The following MSL2 variants were observed in gnomAD, a reference collection of about 807,000 sequenced individuals.
MSL2 encodes the protein MSL complex subunit 2.
In MSL2, 2 loss-of-function variants were observed where a neutral mutation model predicts 35.8. The ratio of observed to expected loss-of-function variants is 0.06; its 90% confidence interval spans 0.02 to 0.18. The LOEUF is 0.18. Among genes scored for constraint, MSL2 ranks in the 10% least tolerant of loss-of-function variants. The pLI, the probability that MSL2 is intolerant of heterozygous loss-of-function variation, is 1.00. For synonymous variants in MSL2, 296 were observed against 255.7 expected (o/e 1.16, Z -1.50); for missense variants, 523 against 706.7 (o/e 0.74, Z 2.95).
intron 1 of MSL2, among the ~76,000 whole-genome samples, chr3:136,188,301 G>A (rs1354861278): frequency 6.6e-6 from 1 of 152,034 alleles, no homozygotes; most frequent in Non-Finnish European, 1.5e-5. Context: ...AGGCGTGGTG[G>A]GGCATGCCTA....
rs561838307 is a variant in MSL2, at chr3:136,151,108, T to C, written c.*39A>G. On this transcript the variant is annotated 3_prime_UTR_variant, in exon 2 of 2. Transcript: ENST00000309993. The surrounding 1 kb of genome is among the most constrained non-coding windows in gnomAD (Gnocchi z 5.2). ...ACCATAGCTGCCGTAAAACTGTAGC[T>C]ATTTCCCTACCAGGAGTAGGTTTAA... The C allele has an allele frequency of 2.8e-5, 44 of 1,588,538 alleles. No homozygotes were observed. The South Asian group carries it at 4.5e-4, about 16-fold the overall frequency.
intron 1 of MSL2, among the ~76,000 whole-genome samples, chr3:136,180,349 T>C (rs1326920893): frequency 1.3e-5 from 2 of 152,042 alleles, no homozygotes; most frequent in Non-Finnish European, 2.9e-5. Flanking sequence ...AAAGCAATAC[T>C]GGGTAGCACT....
chr3:136,158,245 G>C (rs777054499), intron 1 of MSL2, among the ~76,000 whole-genome samples: 1 of 151,662 alleles, frequency 6.6e-6, no homozygotes, highest in Non-Finnish European at 1.5e-5. Context: ...CCAGGAGGCG[G>C]AGGCTGCGGT....
At chr3:136,194,382 G>C (rs1458981291) in intron 1 of MSL2, 3 of 983,402 alleles carry the variant, frequency 3.1e-6, no homozygotes, top group Non-Finnish European at 3.6e-6. Context: ...AAAGTGGTAA[G>C]TAAAAGTCTC....
At chr3:136,174,715 T>C (rs1353056558) in intron 1 of MSL2, among the ~76,000 whole-genome samples, 2 of 152,134 alleles carry the variant, frequency 1.3e-5, no homozygotes, top group African/African-American at 4.8e-5. Flanking sequence ...CTTAAATGCT[T>C]CAAGTGGACA....
intron 1 of MSL2, among the ~76,000 whole-genome samples, chr3:136,184,750 A>AGGGGGGGGG (rs5852838): frequency 2.7e-5 from 2 of 74,634 alleles, no homozygotes; most frequent in African/African-American, 1.3e-4. Context: ...AAAAAAAAAA[A>AGGGGGGGGG]GGGGGGGGGG....
intron 1 of MSL2, among the ~76,000 whole-genome samples, chr3:136,188,901 G>A (rs1201137859): frequency 6.6e-6 from 1 of 151,596 alleles, no homozygotes. Flanking sequence ...CTTATCATAA[G>A]ATGAAGGGCT....
intron 1 of MSL2, chr3:136,194,268 T>C (rs1940770642): frequency 2.5e-5 from 6 of 243,240 alleles, no homozygotes; most frequent in Non-Finnish European, 3.3e-5. Flanking sequence ...ATCTCTTCTA[T>C]CTTAAAAATT....
At chr3:136,176,923 A>T (rs1226205711) in intron 1 of MSL2, among the ~76,000 whole-genome samples, 1 of 152,206 alleles carries the variant, frequency 6.6e-6, no homozygotes, top group East Asian at 1.9e-4. Context: ...GGACTTACAC[A>T]TTGCTATAAA....
chr3:136,194,433 G>A, intron 1 of MSL2: 2 of 985,306 alleles, frequency 2.0e-6, no homozygotes, highest in Non-Finnish European at 2.4e-6. Context: ...GCCTTCCCCG[G>A]CTCGCTGTTA....
chr3:136,174,674 C>CTA (rs1413329561), intron 1 of MSL2, among the ~76,000 whole-genome samples: 2 of 152,170 alleles, frequency 1.3e-5, no homozygotes, highest in Non-Finnish European at 2.9e-5. Flanking sequence ...CCTAAATTCT[C>CTA]TACACACTAA....
chr3:136,165,886 A>T (rs952625159), intron 1 of MSL2, among the ~76,000 whole-genome samples: 23 of 152,144 alleles, frequency 1.5e-4, no homozygotes, highest in Admixed American at 2.6e-4. Flanking sequence ...TGGGATAACT[A>T]AAAGAGTATA....
intron 1 of MSL2, 77 bp downstream of exon 1, chr3:136,194,895 C>T (rs200577995): frequency 1.3e-6 from 2 of 1,594,728 alleles, no homozygotes; most frequent in Non-Finnish European, 8.5e-7. Context: ...ACCAGGCCGT[C>T]AACCCGCTCA....
Position 136,176,515 on chromosome 3 carries a change from C to CAAA in MSL2, c.142+18454_142+18456dup, listed in dbSNP as rs771021498. Among the ~76,000 whole-genome samples, 76 of 54,094 alleles carry CAAA rather than the reference C, an allele frequency of 1.4e-3. 1 individual carries two copies. Among genetic ancestry groups the CAAA allele is most frequent in the African/African-American group, 2.4e-3 (37 of 15,716 alleles). The allele number at this position is 54,094 out of a possible 152,430, so 35.5% of individuals were successfully genotyped here. A position where few individuals can be genotyped will look rare whatever the true frequency, so the allele number is the denominator to read the frequency against. Reference sequence around the variant, plus strand: ...GGGCAACCAGAATGAGACCCTCTCTCAAAAAAAAAAAAAAAAAAAAAAACT... The same window carrying CAAA: ...GGGCAACCAGAATGAGACCCTCTCTCAAAAAAAAAAAAAAAAAAAAAAAAAACT... On this transcript the variant is annotated intron_variant, in intron 1 of 1. Transcript: ENST00000309993.
At position 136,193,745 on chromosome 3, in the gene MSL2, G is replaced by T. The variant is rs569490623; in HGVS notation, c.142+1227C>A. Among the ~76,000 whole-genome samples the T allele has an allele frequency of 2.6e-5, 4 of 152,296 alleles. No individual in the cohort carries two copies. The East Asian group carries it at 7.7e-4, about 29-fold the overall frequency. ...CATCAAGAAACTGAGGCCCAGGGCA[G>T]TTAGGTGATTTGCCCTGGGCGACTA... On this transcript the variant is annotated intron_variant, in intron 1 of 1. Transcript: ENST00000309993.
intron 1 of MSL2, among the ~76,000 whole-genome samples, chr3:136,166,017 T>G (rs561059888): frequency 5.8e-5 from 8 of 136,762 alleles, no homozygotes; most frequent in African/African-American, 2.2e-4. Context: ...ACACCTACTA[T>G]GTACCCATAA....
At chr3:136,191,552 C>A (rs1199296941) in intron 1 of MSL2, among the ~76,000 whole-genome samples, 1 of 151,650 alleles carries the variant, frequency 6.6e-6, no homozygotes, top group Non-Finnish European at 1.5e-5. Context: ...GGCCAAGGCA[C>A]AAGGATAGTT....
chr3:136,151,105 A>G lies in MSL2; in HGVS notation c.*42T>C. ...AGAACCATAGCTGCCGTAAAACTGT[A>G]GCTATTTCCCTACCAGGAGTAGGTT... is the stretch of plus-strand genomic sequence containing the variant. On this transcript the variant is annotated 3_prime_UTR_variant, in exon 2 of 2. Transcript: ENST00000309993. The surrounding 1 kb of genome is among the most constrained non-coding windows in gnomAD (Gnocchi z 5.2). The G allele has an allele frequency of 6.3e-7, 1 of 1,584,618 alleles. No homozygotes were observed. Among genetic ancestry groups the G allele is most frequent in the Non-Finnish European group, 8.6e-7 (1 of 1,160,412 alleles).
intron 1 of MSL2, among the ~76,000 whole-genome samples, chr3:136,193,584 A>T (rs956324358): frequency 3.8e-5 from 5 of 130,488 alleles, no homozygotes; most frequent in Admixed American, 3.8e-4. Flanking sequence ...TGAGGACATT[A>T]AAAAAAAAAA....
Sources: gnomAD v4.1 joint callset for allele counts (sites outside exome capture counted in the v4.1 genomes callset) on GRCh38, gnomAD v4.1.1 for gene constraint, Gnocchi (gnomAD v3.1) non-coding constraint, MANE v1.5 for transcripts, NCBI Gene and HGNC (gene_info 2026-07-23, HGNC 2026-07-21) for gene names.